Variants in LRP2 observed in about 807,000 individuals in gnomAD.
The protein encoded by LRP2 is low-density lipoprotein receptor-related protein 2.
A neutral mutation model predicts 531.0 loss-of-function variants in LRP2; 172 were observed. The ratio of observed to expected loss-of-function variants is 0.32; its 90% CI spans 0.29 to 0.37. The LOEUF (loss-of-function observed/expected upper bound fraction) is 0.37. Ranked by LOEUF, LRP2 falls within the 10% of genes least tolerant of loss-of-function variation. The probability of loss-of-function intolerance (pLI) is 1.00; values close to 1 mark genes in which losing one functional copy is unlikely to be tolerated. For missense variants in LRP2, 5,167 were observed against 5,868.3 expected (o/e 0.88, Z 3.90); for synonymous variants, 1,992 against 2,027.6 (o/e 0.98, Z 0.47).
At chr2:169,159,284 TA>T (rs1686484076) in intron 63 of LRP2, among the ~76,000 whole-genome samples, 1 of 152,206 alleles carries the variant, frequency 6.6e-6, no homozygotes, top group South Asian at 2.1e-4. Context: ...AAAATAGATT[TA>T]TATCTATCTG....
intron 1 of LRP2, among the ~76,000 whole-genome samples, chr2:169,321,762 C>A (rs1684914225): frequency 6.6e-6 from 1 of 151,986 alleles, no homozygotes; most frequent in African/African-American, 2.4e-5. Context: ...AACAAAATCT[C>A]TGCAGCCAAC....
intron 55 of LRP2, among the ~76,000 whole-genome samples, chr2:169,174,809 CTT>C (rs36105004): frequency 1.5e-4 from 19 of 128,486 alleles, no homozygotes; most frequent in Admixed American, 3.3e-4. Flanking sequence ...TGTGCTCAGT[CTT>C]TTTTTTTTTT....
intron 13 of LRP2, among the ~76,000 whole-genome samples, chr2:169,275,727 G>T (rs761945930): frequency 6.6e-6 from 1 of 152,042 alleles, no homozygotes; most frequent in Non-Finnish European, 1.5e-5. Flanking sequence ...CCCAGCAAAC[G>T]CCCACATCTG....
At chr2:169,226,299 T>C in intron 32 of LRP2, 123 bp downstream of exon 32, 1 of 789,426 alleles carries the variant, frequency 1.3e-6, no homozygotes, top group Non-Finnish European at 2.1e-6. Context: ...AACTTAGGGA[T>C]AAATTTATTT....
chr2:169,256,255 T>G lies in LRP2; in HGVS notation c.2640-19A>C. The G allele has an allele frequency of 1.2e-6, 2 of 1,607,550 alleles. No individual in the cohort carries two copies. Among genetic ancestry groups the G allele is most frequent in the Non-Finnish European group, 1.7e-6 (2 of 1,175,168 alleles). The stretch of plus-strand genomic sequence containing the variant: ...TGAAGCACTAAAATAATAAAATATT[T>G]AGTTATCTCTTATCCAAAAACTATC... On this transcript the variant is annotated intron_variant, in intron 18 of 78. Coordinates refer to ENST00000649046, the MANE Select transcript of LRP2 (RefSeq NM_004525.3).
intron 1 of LRP2, among the ~76,000 whole-genome samples, chr2:169,359,757 C>T (rs4668136): frequency 0.45 from 68,091 of 151,912 alleles, 16,080 homozygotes; most frequent in South Asian, 0.6. Flanking sequence ...TTGCATATTG[C>T]CCCTCAGCTT....
rs764503456 is a variant in LRP2, at chr2:169,292,322, A to G, written c.700T>C (p.Cys234Arg). The change falls in exon 7 of 79, where the codon TGC becomes CGC. Residue 234 changes from cysteine to arginine, a missense_variant. Cys to Arg is a radical substitution (Grantham distance 180, BLOSUM62 -3). Around this residue, in one of 6 missense-constraint regions of LRP2, gnomAD observed 2,811 missense variants for 3,058.0 expected, o/e 0.92. Coordinates refer to ENST00000649046, the MANE Select transcript of LRP2 (RefSeq NM_004525.3). ...TCACAAACCCAGTTTTGATAAATGC[A>G]TCGGCCACTGGGGCAAGTGAACTGG... ...GYQFTCPSGR[C>R]IYQNWVCDGE... 7 of 1,614,172 alleles carry G rather than the reference A, an allele frequency of 4.3e-6. No individual in the cohort carries two copies. Among genetic ancestry groups the G allele is most frequent in the Non-Finnish European group, 5.9e-6 (7 of 1,179,996 alleles).
At chr2:169,194,732 T>TG (rs1441016354) in intron 46 of LRP2, among the ~76,000 whole-genome samples, 1 of 148,702 alleles carries the variant, frequency 6.7e-6, no homozygotes, top group Non-Finnish European at 1.5e-5. Flanking sequence ...TTTTTTTTTT[T>TG]TTTTTTGGAG....
intron 1 of LRP2, among the ~76,000 whole-genome samples, chr2:169,341,532 G>A (rs376846060): frequency 1.3e-4 from 20 of 152,170 alleles, no homozygotes; most frequent in East Asian, 1.2e-3. Context: ...GCTTGGAGGC[G>A]ATAACTTGTC....
intron 15 of LRP2, chr2:169,271,679 C>T (rs1319280276): frequency 2.1e-6 from 2 of 973,666 alleles, no homozygotes; most frequent in Non-Finnish European, 2.4e-6. Flanking sequence ...CCTGTGCCAT[C>T]AATCTTTTGT....
intron 3 of LRP2, among the ~76,000 whole-genome samples, chr2:169,315,691 T>C: frequency 6.6e-6 from 1 of 152,130 alleles, no homozygotes; most frequent in East Asian, 1.9e-4. Flanking sequence ...CTGGAATTAA[T>C]GGAGAGCTAC....
chr2:169,260,669 T>A (rs911621504), intron 16 of LRP2, among the ~76,000 whole-genome samples: 1 of 152,050 alleles, frequency 6.6e-6, no homozygotes, highest in South Asian at 2.1e-4. Flanking sequence ...CTTTCCCTCA[T>A]TCCCCAGTTT....
chr2:169,131,272 TG>T (rs1685279634), intron 77 of LRP2, among the ~76,000 whole-genome samples: 1 of 151,760 alleles, frequency 6.6e-6, no homozygotes, highest in African/African-American at 2.4e-5. Flanking sequence ...TGTGTGTGTG[TG>T]TGTGTGTGTG....
chr2:169,281,667 A>G (rs943910792), intron 10 of LRP2, among the ~76,000 whole-genome samples: 1 of 152,030 alleles, frequency 6.6e-6, no homozygotes, highest in Non-Finnish European at 1.5e-5. Flanking sequence ...GCAGTGAGCC[A>G]AGATGGCGCC....
chr2:169,132,106 A>C (rs1685312945), intron 77 of LRP2, among the ~76,000 whole-genome samples: 1 of 152,206 alleles, frequency 6.6e-6, no homozygotes, highest in East Asian at 1.9e-4. Context: ...TGGATGATGA[A>C]TGGAAAAATT....
In LRP2 at chr2:169,246,965, G is replaced by T. The variant is rs766831061; in HGVS notation, c.2930C>A (p.Pro977His). Residue 977 changes from proline to histidine, a missense_variant, in exon 21 of 79, where the codon CCC (proline) becomes CAC (histidine). Physicochemically the swap from Pro to His is moderately conservative, Grantham distance 77. This residue lies in a region of LRP2 where 2,811 missense variants were observed against 3,058.0 expected (regional missense o/e 0.92). Transcript: ENST00000649046. Reference sequence around the variant, plus strand: ...GCTGCAGTCACCGTTAGGATGCGTGGGTTGATTACAGGCGTTAGAACCTGC... The same window carrying T: ...GCTGCAGTCACCGTTAGGATGCGTGTGTTGATTACAGGCGTTAGAACCTGC... Reference protein sequence around the residue: ...IQTGSNACNQPTHPNGDCSHF... With the variant: ...IQTGSNACNQHTHPNGDCSHF... The T allele has an allele frequency of 2.7e-5, 43 of 1,614,016 alleles. No homozygotes were observed. The highest frequency in any genetic ancestry group is 3.2e-5 in the Non-Finnish European group (38 of 1,180,034).
intron 30 of LRP2, among the ~76,000 whole-genome samples, chr2:169,232,073 G>A (rs889919044): frequency 2.0e-5 from 3 of 152,114 alleles, no homozygotes; most frequent in Non-Finnish European, 4.4e-5. Flanking sequence ...AGAGGAGAAT[G>A]ACTCAAGGTT....
rs748610116 is a variant in LRP2, at chr2:169,271,055, C to G, written c.2169G>C (p.Pro723=). 6.2e-7 allele frequency: 1 copy of G among 1,612,918 alleles called. No homozygotes were observed. The highest frequency in any genetic ancestry group is 8.5e-7 in the Non-Finnish European group (1 of 1,179,432). The change falls in exon 16 of 79, where the codon CCG becomes CCC. Residue 723 remains proline (P), a synonymous_variant. Transcript: ENST00000649046. The stretch of plus-strand genomic sequence containing the variant: ...CATCTTCCTGGGTAGACAAGGTGAA[C>G]GGGATCCCACGAATAGCAACTTGGG... ...FSSQVAIRGI[P]FTLSTQEDVM...
chr2:169,180,596 G>A (rs1687392305), intron 52 of LRP2, among the ~76,000 whole-genome samples: 1 of 152,158 alleles, frequency 6.6e-6, no homozygotes, highest in South Asian at 2.1e-4. Context: ...CAGGGAGCAT[G>A]GTGTTAGAGA....
Sources: allele counts gnomAD v4.1 joint callset (sites outside exome capture counted in the v4.1 genomes callset), GRCh38; gene constraint gnomAD v4.1.1; regional missense constraint gnomAD v4.1.1; transcripts MANE v1.5; gene names NCBI Gene and HGNC (gene_info 2026-07-23, HGNC 2026-07-21).